The following MAP3K5 variants were observed in gnomAD, a reference collection of about 807,000 sequenced individuals.
MAP3K5 encodes mitogen-activated protein kinase kinase kinase 5.
MAP3K5 carries 56 observed loss-of-function variants against 158.7 expected under a neutral mutation model. That is an observed-to-expected ratio of 0.35 (90% CI 0.28 to 0.44). MAP3K5 has a LOEUF of 0.44. Ranked by LOEUF, MAP3K5 falls within the 20% of genes least tolerant of loss-of-function variation. The pLI is 1.00. For missense variants in MAP3K5, 1,294 were observed against 1,674.8 expected, an observed-to-expected ratio of 0.77 and a Z score of 3.97; for synonymous variants, 579 against 601.7, an observed-to-expected ratio of 0.96 and a Z score of 0.55.
In MAP3K5 at chr6:136,792,179, G is replaced by T; in HGVS notation, c.-22C>A. ...TCATCTCTCCGGGCCGGGCAGCAAC[G>T]GCGGCGGCGTCCCCCGCCCAGCCGC... On this transcript the variant is annotated 5_prime_UTR_variant, in exon 1 of 30. Coordinates refer to ENST00000359015, the MANE Select transcript of MAP3K5 (RefSeq NM_005923.4). The surrounding 1 kb of genome is among the most constrained non-coding windows in gnomAD (Gnocchi z 5.7). 6.5e-7 allele frequency: 1 copy of T among 1,531,358 alleles called. No homozygotes were observed. The highest frequency in any genetic ancestry group is 1.2e-5 in the South Asian group (1 of 83,540). The allele number at this position is 1,531,358 out of a possible 1,614,324, so 94.9% of individuals were successfully genotyped here.
chr6:136,565,878 G>A (rs1346741008), intron 26 of MAP3K5, among the ~76,000 whole-genome samples: 1 of 152,174 alleles, frequency 6.6e-6, no homozygotes, highest in Admixed American at 6.5e-5. Context: ...AAGGAAAAAC[G>A]AGGCTGATTA....
At chr6:136,600,576 T>C (rs1775831293) in intron 21 of MAP3K5, among the ~76,000 whole-genome samples, 1 of 152,212 alleles carries the variant, frequency 6.6e-6, no homozygotes, top group Non-Finnish European at 1.5e-5. Context: ...TTCCTAGTTA[T>C]GATCCGCAAA....
intron 11 of MAP3K5, among the ~76,000 whole-genome samples, chr6:136,644,791 A>G (rs1031423341): frequency 1.3e-5 from 2 of 152,170 alleles, no homozygotes; most frequent in African/African-American, 2.4e-5. Flanking sequence ...CTTATGGTAT[A>G]AAGGAGAGGG....
chr6:136,686,619 T>C (rs1306240554), intron 7 of MAP3K5, among the ~76,000 whole-genome samples: 1 of 152,216 alleles, frequency 6.6e-6, no homozygotes, highest in Admixed American at 6.5e-5. Context: ...AGCATTCCTA[T>C]TCACCAATAA....
chr6:136,764,764 A>AT (rs1783891751), intron 1 of MAP3K5, among the ~76,000 whole-genome samples: 1 of 152,190 alleles, frequency 6.6e-6, no homozygotes. Flanking sequence ...TCTTTAATAT[A>AT]TATTTTCTCA....
intron 7 of MAP3K5, among the ~76,000 whole-genome samples, chr6:136,682,533 C>T (rs188327713): frequency 1.3e-5 from 2 of 152,334 alleles, no homozygotes; most frequent in Admixed American, 6.5e-5. Flanking sequence ...TTGAATAGCA[C>T]TGTCACTGAC....
intron 1 of MAP3K5, among the ~76,000 whole-genome samples, chr6:136,754,447 C>T (rs1312220962): frequency 6.6e-6 from 1 of 151,726 alleles, no homozygotes; most frequent in Non-Finnish European, 1.5e-5. Flanking sequence ...GATGTGGTGG[C>T]ACATGTCTAT....
intron 21 of MAP3K5, chr6:136,593,623 A>G: frequency 2.7e-6 from 1 of 367,824 alleles, no homozygotes; most frequent in South Asian, 2.1e-5. Flanking sequence ...CCAAATGTAT[A>G]TAAAACTTCT....
chr6:136,775,270 A>C, intron 1 of MAP3K5, among the ~76,000 whole-genome samples: 1 of 152,256 alleles, frequency 6.6e-6, no homozygotes, highest in African/African-American at 2.4e-5. Flanking sequence ...TGGTGACCAC[A>C]TATTAGGTAT....
intron 24 of MAP3K5, among the ~76,000 whole-genome samples, chr6:136,582,568 G>C (rs1455477442): frequency 6.6e-6 from 1 of 152,128 alleles, no homozygotes; most frequent in Admixed American, 6.5e-5. Context: ...TCTTGTCCCT[G>C]CCCACAATAT....
chr6:136,723,416 A>G (rs1781827254), intron 1 of MAP3K5, among the ~76,000 whole-genome samples: 1 of 152,196 alleles, frequency 6.6e-6, no homozygotes, highest in South Asian at 2.1e-4. Context: ...TATGATGTTT[A>G]CATTCATGTA....
chr6:136,769,780 G>A, intron 1 of MAP3K5, among the ~76,000 whole-genome samples: 1 of 47,480 alleles, frequency 2.1e-5, no homozygotes, highest in Admixed American at 2.3e-4. Context: ...AGGAAGGAAG[G>A]AAGGAAGGAA....
chr6:136,750,250 G>T (rs6570097), intron 1 of MAP3K5, among the ~76,000 whole-genome samples: 11,701 of 152,198 alleles, frequency 0.077, 1,495 homozygotes, highest in African/African-American at 0.27. Context: ...GCTAATTTTT[G>T]TATTTTTAGT....
At chr6:136,589,100 A>G (rs1775271497) in intron 23 of MAP3K5, among the ~76,000 whole-genome samples, 1 of 152,252 alleles carries the variant, frequency 6.6e-6, no homozygotes, top group Non-Finnish European at 1.5e-5. Flanking sequence ...GAGTTTCTCA[A>G]GGCAGAGACA....
chr6:136,696,286 C>A (rs753356156), intron 5 of MAP3K5, among the ~76,000 whole-genome samples: 55 of 152,130 alleles, frequency 3.6e-4, no homozygotes, highest in Non-Finnish European at 7.4e-4. Flanking sequence ...CCATGTTGAA[C>A]AAAAACTAAA....
intron 3 of MAP3K5, among the ~76,000 whole-genome samples, chr6:136,701,623 G>T (rs1780858950): frequency 6.6e-6 from 1 of 152,160 alleles, no homozygotes; most frequent in Non-Finnish European, 1.5e-5. Flanking sequence ...TGCCGAAGCA[G>T]AAAAGAAAGG....
In MAP3K5 at chr6:136,792,063, C is replaced by T. The variant is rs1405655670; in HGVS notation, c.95G>A (p.Arg32Lys). 5.1e-6 allele frequency: 8 copies of T among 1,565,836 alleles called. No homozygotes were observed. The highest frequency in any genetic ancestry group is 2.7e-5 in the African/African-American group (2 of 73,392). Residue 32 changes from arginine (R) to lysine (K), a missense_variant, in exon 1 of 30, where the codon AGG (arginine) becomes AAG (lysine). Around this residue, in one of 5 missense-constraint regions of MAP3K5, gnomAD observed 690 missense variants for 870.5 expected, o/e 0.79. Coordinates refer to ENST00000359015, the MANE Select transcript of MAP3K5 (RefSeq NM_005923.4). The surrounding 1 kb of genome is among the most constrained non-coding windows in gnomAD (Gnocchi z 5.7). ...CTIPEGGICRRGGAAAVGEGE... is the reference protein window; with the variant it reads ...CTIPEGGICRKGGAAAVGEGE... ...CTCGCCCACCGCCGCCGCTCCTCCC[C>T]TCCTGCAGATGCCGCCCTCGGGGAT... is the stretch of plus-strand genomic sequence containing the variant.
intron 15 of MAP3K5, among the ~76,000 whole-genome samples, chr6:136,621,116 G>GT (rs796594466): frequency 0.014 from 2,036 of 148,274 alleles, 42 homozygotes; most frequent in African/African-American, 0.048. Flanking sequence ...TATTGTCCCA[G>GT]TTTTTTTTTT....
At chr6:136,619,053 G>A (rs1435704765) in intron 15 of MAP3K5, among the ~76,000 whole-genome samples, 1 of 152,162 alleles carries the variant, frequency 6.6e-6, no homozygotes, top group African/African-American at 2.4e-5. Context: ...TTTTCCTTCT[G>A]GACTGACATA....
Sources: gnomAD v4.1 joint callset for allele counts (sites outside exome capture counted in the v4.1 genomes callset) on GRCh38, gnomAD v4.1.1 for gene constraint, gnomAD v4.1.1 regional missense constraint, Gnocchi (gnomAD v3.1) non-coding constraint, MANE v1.5 for transcripts, NCBI Gene and HGNC (gene_info 2026-07-23, HGNC 2026-07-21) for gene names.